Variants in TIAM2 observed in about 807,000 individuals in gnomAD.
TIAM2 encodes the protein rho guanine nucleotide exchange factor TIAM2.
TIAM2 carries 80 observed loss-of-function variants against 152.9 expected under a neutral mutation model. The observed-to-expected ratio is 0.52, with a 90% CI of 0.44 to 0.63. The LOEUF (loss-of-function observed/expected upper bound fraction) is 0.63, where lower values mean the gene tolerates loss of function less well. Ranked by LOEUF, TIAM2 falls within the 30% of genes least tolerant of loss-of-function variation. The pLI is 0.00. For synonymous variants in TIAM2, 804 were observed against 838.0 expected, an observed-to-expected ratio of 0.96 and a Z score of 0.70; for missense variants, 1,965 against 2,120.1, an observed-to-expected ratio of 0.93 and a Z score of 1.44.
chr6:155,217,150 C>A, intron 15 of TIAM2: 1 of 1,280,430 alleles, frequency 7.8e-7, no homozygotes, highest in Non-Finnish European at 1.0e-6. Context: ...TGTAGGCATG[C>A]TTGCACGGTT....
chr6:155,162,340 G>T (rs1336727550), intron 7 of TIAM2, among the ~76,000 whole-genome samples: 3 of 152,150 alleles, frequency 2.0e-5, no homozygotes, highest in African/African-American at 7.2e-5. Context: ...TTACAGTGAG[G>T]CATAAATGAG....
At chr6:155,165,861 G>A (rs899264742) in intron 9 of TIAM2, among the ~76,000 whole-genome samples, 2 of 151,680 alleles carry the variant, frequency 1.3e-5, no homozygotes, top group Non-Finnish European at 2.9e-5. Flanking sequence ...TTAACCCAAC[G>A]AAACTGCACA....
At chr6:155,208,721 G>A (rs1026628774) in intron 14 of TIAM2, among the ~76,000 whole-genome samples, 16 of 152,128 alleles carry the variant, frequency 1.1e-4, no homozygotes, top group African/African-American at 3.6e-4. Context: ...GAGGGGACCC[G>A]TAGAATCTAC....
rs149428029 is a variant in TIAM2, at chr6:155,179,419, C to T, written c.2670C>T (p.Asp890=). 698 of 1,613,574 alleles carry T rather than the reference C, an allele frequency of 4.3e-4. 1 individual carries two copies. The highest frequency in any genetic ancestry group is 4.9e-4 in the Non-Finnish European group (577 of 1,179,878). ...AAGTCTTTCCACTAAATGTTTATGA[C>T]GTGCAGCTCACGAAGACTGGGAGTG... ...EIEVFPLNVY[D]VQLTKTGSVC... is the part of the protein sequence containing the mutation. Residue 890 remains aspartate (D), a synonymous_variant, in exon 12 of 27, where the codon GAC becomes GAT. Coordinates refer to ENST00000682666, the MANE Select transcript of TIAM2 (RefSeq NM_012454.4).
chr6:154,997,215 C>A (rs549164605), intron 1 of TIAM2, among the ~76,000 whole-genome samples: 1 of 152,298 alleles, frequency 6.6e-6, no homozygotes. Flanking sequence ...CAATTACCCA[C>A]GCATTCTTAA....
intron 1 of TIAM2, among the ~76,000 whole-genome samples, chr6:155,053,507 C>G (rs62434512): frequency 0.42 from 62,373 of 146,806 alleles, 13,528 homozygotes; most frequent in Middle Eastern, 0.48. Context: ...AGTCTTGCCC[C>G]GTCGTCCAGG....
At chr6:155,114,599 A>G (rs1449042642) in intron 2 of TIAM2, among the ~76,000 whole-genome samples, 6 of 152,228 alleles carry the variant, frequency 3.9e-5, no homozygotes, top group Middle Eastern at 3.4e-3. Context: ...TCATTTGCAT[A>G]ATGTTCTTTA....
chr6:155,005,665 TTTTTTTTG>T (rs1396718234), intron 1 of TIAM2, among the ~76,000 whole-genome samples: 3 of 151,162 alleles, frequency 2.0e-5, no homozygotes, highest in African/African-American at 7.3e-5. Flanking sequence ...ACTTTTTTTT[TTTTTTTTG>T]AGATGGAGTT....
chr6:155,214,407 C>T lies in TIAM2; in HGVS notation c.3168+3100C>T, dbSNP rs115994940. Among the ~76,000 whole-genome samples the T allele has an allele frequency of 0.018, 2,667 of 152,304 alleles. 84 individuals carry two copies. The highest frequency in any genetic ancestry group is 0.061 in the African/African-American group (2,541 of 41,560). On this transcript the variant is annotated intron_variant, in intron 15 of 26. Transcript: ENST00000682666. This position sits in a 1 kb window ranked among gnomAD's most constrained non-coding sequence, Gnocchi z 5.4. The stretch of plus-strand genomic sequence containing the variant: ...AGGTTAGAGCCTGCCAGCTTCAGAA[C>T]GGATGCTTCTGGTTCCGAAGCAGCT...
At chr6:155,173,565 A>T (rs956715842) in intron 9 of TIAM2, among the ~76,000 whole-genome samples, 1 of 152,224 alleles carries the variant, frequency 6.6e-6, no homozygotes, top group Non-Finnish European at 1.5e-5. Flanking sequence ...TTTGAGTAAG[A>T]TACTGAAAAC....
chr6:155,047,445 G>A (rs1404258247), intron 1 of TIAM2, among the ~76,000 whole-genome samples: 1 of 152,134 alleles, frequency 6.6e-6, no homozygotes, highest in Non-Finnish European at 1.5e-5. Flanking sequence ...CTCCCAAAGG[G>A]CTGGGATTAC....
intron 5 of TIAM2, among the ~76,000 whole-genome samples, chr6:155,139,603 A>T (rs1583210686): frequency 1.3e-5 from 2 of 152,334 alleles, no homozygotes; most frequent in African/African-American, 2.4e-5. Context: ...TTTAAAAGTC[A>T]GATAGCTACC....
At chr6:155,043,526 C>T (rs1301495115) in intron 1 of TIAM2, among the ~76,000 whole-genome samples, 1 of 149,182 alleles carries the variant, frequency 6.7e-6, no homozygotes, top group Non-Finnish European at 1.5e-5. Flanking sequence ...GCTGTCTACT[C>T]AAGAGGCTGA....
chr6:155,134,995 G>A (rs1779526657), intron 4 of TIAM2, among the ~76,000 whole-genome samples: 1 of 151,860 alleles, frequency 6.6e-6, no homozygotes, highest in African/African-American at 2.4e-5. Flanking sequence ...GTGAGCCACC[G>A]AGCCCAGCCA....
In TIAM2 at chr6:155,215,792, T is replaced by C. The variant is rs1014174277; in HGVS notation, c.3168+4485T>C. Among the ~76,000 whole-genome samples, 13 of 151,616 alleles carry C rather than the reference T, an allele frequency of 8.6e-5. No homozygotes were observed. In the East Asian group the frequency reaches 1.5e-3, roughly 18 times the overall value. ...GCAATCCTCTTCTGGATTTTTTTTT[T>C]ATTGTTTTAAATTTTGTTTTATTTT... On this transcript the variant is annotated intron_variant, in intron 15 of 26. Transcript: ENST00000682666.
intron 6 of TIAM2, among the ~76,000 whole-genome samples, chr6:155,147,169 C>A: frequency 1.0e-5 from 1 of 99,858 alleles, no homozygotes. Flanking sequence ...CTTTTATTTA[C>A]ATTGTTCTTT....
At chr6:154,999,544 G>A (rs1470244765) in intron 1 of TIAM2, among the ~76,000 whole-genome samples, 1 of 152,050 alleles carries the variant, frequency 6.6e-6, no homozygotes, top group Non-Finnish European at 1.5e-5. Flanking sequence ...ATTTTCTATA[G>A]GAGAAGTTAG....
At chr6:155,016,656 T>C (rs1399580705) in intron 1 of TIAM2, among the ~76,000 whole-genome samples, 3 of 152,130 alleles carry the variant, frequency 2.0e-5, no homozygotes, top group Non-Finnish European at 4.4e-5. Flanking sequence ...CCCAGAACTT[T>C]AGGAGGCCAA....
chr6:155,025,486 T>C (rs1776584066), intron 1 of TIAM2, among the ~76,000 whole-genome samples: 1 of 151,930 alleles, frequency 6.6e-6, no homozygotes, highest in East Asian at 1.9e-4. Context: ...CGGCCTAATT[T>C]TTGTATTTTT....
Sources: allele counts gnomAD v4.1 joint callset (sites outside exome capture counted in the v4.1 genomes callset), GRCh38; gene constraint gnomAD v4.1.1; non-coding constraint Gnocchi (gnomAD v3.1); transcripts MANE v1.5; gene names NCBI Gene and HGNC (gene_info 2026-07-23, HGNC 2026-07-21).